The following ALMS1 variants were observed in gnomAD, a reference collection of about 807,000 sequenced individuals.
ALMS1 encodes the protein ALMS1 centrosome and basal body associated protein.
ALMS1 carries 271 observed loss-of-function variants against 352.2 expected under a neutral mutation model. The observed-to-expected ratio is 0.77, with a 90% CI of 0.70 to 0.85. The LOEUF (loss-of-function observed/expected upper bound fraction) is 0.85. Ranked by LOEUF, ALMS1 falls within the 40% of genes least tolerant of loss-of-function variation. The pLI, the probability that ALMS1 is intolerant of heterozygous loss-of-function variation, is 0.00. For missense variants in ALMS1, 5,445 were observed against 4,870.7 expected (o/e 1.12, Z -3.51); for synonymous variants, 1,865 against 1,761.2 (o/e 1.06, Z -1.48).
Position 73,449,997 on chromosome 2 carries a change from A to G in ALMS1, c.3470A>G (p.Gln1157Arg), listed in dbSNP as rs1438607905. 6.2e-7 allele frequency: 1 copy of G among 1,614,004 alleles called. No homozygotes were observed. The highest frequency in any genetic ancestry group is 1.7e-5 in the Admixed American group (1 of 60,008). The part of the protein sequence containing the change: ...HREKPSIFHQ[Q>R]ALPGTHIPEE... Reference sequence around the variant, plus strand: ...GAAAAGCCCAGCATTTTCCACCAGCAGGCCTTGCCAGGTACTCATATACCT... The same window carrying G: ...GAAAAGCCCAGCATTTTCCACCAGCGGGCCTTGCCAGGTACTCATATACCT... Residue 1157 changes from glutamine to arginine, a missense_variant, in exon 8 of 23, where the codon CAG (glutamine) becomes CGG (arginine). By Grantham distance (43) the Gln-to-Arg change is conservative. Coordinates refer to ENST00000613296, the MANE Select transcript of ALMS1 (RefSeq NM_001378454.1).
chr2:73,521,606 C>A (rs977814184), intron 11 of ALMS1, among the ~76,000 whole-genome samples: 1 of 147,572 alleles, frequency 6.8e-6, no homozygotes, highest in Non-Finnish European at 1.5e-5. Context: ...AAAAAATAGC[C>A]GGACACTGTG....
chr2:73,564,335 G>T (rs1674756578), intron 15 of ALMS1, among the ~76,000 whole-genome samples: 1 of 151,752 alleles, frequency 6.6e-6, no homozygotes, highest in Non-Finnish European at 1.5e-5. Context: ...GCATGGCGGT[G>T]CATGCCGATA....
At chr2:73,519,185 G>A (rs1558678874) in intron 10 of ALMS1, among the ~76,000 whole-genome samples, 1 of 152,178 alleles carries the variant, frequency 6.6e-6, no homozygotes, top group Non-Finnish European at 1.5e-5. Flanking sequence ...CATACACAAA[G>A]GAGGAGGGGA....
intron 2 of ALMS1, among the ~76,000 whole-genome samples, chr2:73,418,086 A>G (rs751368246): frequency 2.2e-4 from 34 of 152,294 alleles, no homozygotes; most frequent in South Asian, 8.3e-4. Flanking sequence ...GGCTTATAGT[A>G]AGACTTTTAA....
At chr2:73,481,136 C>T (rs1008823453) in intron 9 of ALMS1, among the ~76,000 whole-genome samples, 13 of 152,186 alleles carry the variant, frequency 8.5e-5, no homozygotes, top group Admixed American at 2.0e-4. Context: ...GTGTTTTAGA[C>T]ATGAAGTCCT....
chr2:73,596,846 T>C (rs370197551), intron 16 of ALMS1, among the ~76,000 whole-genome samples: 14 of 142,662 alleles, frequency 9.8e-5, no homozygotes, highest in East Asian at 4.3e-4. Flanking sequence ...TCAGGAAATA[T>C]AAGCCCTCTA....
intron 11 of ALMS1, among the ~76,000 whole-genome samples, chr2:73,521,919 G>A (rs1382944095): frequency 6.6e-6 from 1 of 152,100 alleles, no homozygotes; most frequent in Non-Finnish European, 1.5e-5. Context: ...ATTTTATGAG[G>A]TGTTTTTTTT....
chr2:73,417,989 T>G lies in ALMS1; in HGVS notation c.451-1134T>G, dbSNP rs117958696. Among the ~76,000 whole-genome samples the G allele has an allele frequency of 2.6e-5, 4 of 152,234 alleles. 1 individual carries two copies. Among genetic ancestry groups the G allele is most frequent in the African/African-American group, 9.6e-5 (4 of 41,468 alleles). On this transcript the variant is annotated intron_variant, in intron 2 of 22. Coordinates refer to ENST00000613296, the MANE Select transcript of ALMS1 (RefSeq NM_001378454.1). ...AGTATAGAAATTGAGAGGAAGTGTT[T>G]AGAAACTTTTATAGTAGTTGGATAG...
chr2:73,606,327 T>G (rs1056658710), intron 21 of ALMS1, among the ~76,000 whole-genome samples: 2 of 152,182 alleles, frequency 1.3e-5, no homozygotes, highest in African/African-American at 4.8e-5. Flanking sequence ...GGGCCCTAAG[T>G]CTAAAATATT....
chr2:73,500,554 G>A (rs1673197929), intron 10 of ALMS1, among the ~76,000 whole-genome samples: 1 of 152,114 alleles, frequency 6.6e-6, no homozygotes, highest in Non-Finnish European at 1.5e-5. Flanking sequence ...TTGCCACCAT[G>A]AGATTACTGG....
Position 73,557,141 on chromosome 2 carries a change from G to A in ALMS1, c.10079-79G>A, listed in dbSNP as rs1418153299. 4 of 1,593,178 alleles carry A rather than the reference G, an allele frequency of 2.5e-6. No homozygotes were observed. The East Asian group carries it at 8.9e-5, about 36-fold the overall frequency. ...TGTAAATGGGTTTGGGGTTTTGTTT[G>A]TAATTGTGGGGGAGGATTACTTGTC... On this transcript the variant is annotated intron_variant, in intron 13 of 22. Coordinates refer to ENST00000613296, the MANE Select transcript of ALMS1 (RefSeq NM_001378454.1).
chr2:73,562,356 CCA>C (rs1674681496), intron 15 of ALMS1, among the ~76,000 whole-genome samples: 1 of 151,860 alleles, frequency 6.6e-6, no homozygotes, highest in Non-Finnish European at 1.5e-5. Context: ...AAAGGACGTA[CCA>C]AGTCCTAGGA....
chr2:73,484,652 T>A (rs1209599100), intron 9 of ALMS1, among the ~76,000 whole-genome samples: 1 of 152,050 alleles, frequency 6.6e-6, no homozygotes, highest in Non-Finnish European at 1.5e-5. Flanking sequence ...TTCTCCTGGA[T>A]AATATCCTGC....
chr2:73,462,159 T>C (rs1158397307), intron 9 of ALMS1, among the ~76,000 whole-genome samples: 1 of 152,048 alleles, frequency 6.6e-6, no homozygotes, highest in Non-Finnish European at 1.5e-5. Flanking sequence ...AATTGTCAGA[T>C]TCACCAAAGT....
Position 73,550,314 on chromosome 2 carries a change from A to G in ALMS1, c.9955A>G (p.Thr3319Ala). ...AGACTTCCCAGCTCAGGTGCTAGGC[A>G]CAAGAGATGATGACCTCTCAGCCAC... ...APDFPAQVLG[T>A]RDDDLSATVN... The change falls in exon 13 of 23, where the codon ACA (threonine) becomes GCA (alanine). Residue 3319 changes from threonine to alanine, a missense_variant. Transcript: ENST00000613296. 2 of 1,614,202 alleles carry G rather than the reference A, an allele frequency of 1.2e-6. No homozygotes were observed. Among genetic ancestry groups the G allele is most frequent in the East Asian group, 2.2e-5 (1 of 44,884 alleles).
At chr2:73,416,878 G>A (rs1484161100) in intron 2 of ALMS1, among the ~76,000 whole-genome samples, 6 of 152,050 alleles carry the variant, frequency 3.9e-5, no homozygotes, top group Admixed American at 3.3e-4. Flanking sequence ...CAGGGGAATC[G>A]CTTGAGTCTA....
Position 73,590,429 on chromosome 2 carries a change from A to G in ALMS1, c.11548-8972A>G, listed in dbSNP as rs768608467. On this transcript the variant is annotated intron_variant, in intron 16 of 22. Coordinates refer to ENST00000613296, the MANE Select transcript of ALMS1 (RefSeq NM_001378454.1). The stretch of plus-strand genomic sequence containing the variant: ...GATGAATTCTCAAAGCAGAAGTTTT[A>G]TAAGTAAGCCCATATTCTGTAACTG... 8.0e-4 allele frequency among the ~76,000 whole-genome samples: 122 copies of G among 152,222 alleles called. 3 individuals carry two copies. Among genetic ancestry groups the G allele is most frequent in the Non-Finnish European group, 1.6e-3 (107 of 68,034 alleles).
rs544478924 is a variant in ALMS1, at chr2:73,498,260, CT to C, written c.9539+6773del. On this transcript the variant is annotated intron_variant, in intron 10 of 22. Coordinates refer to ENST00000613296, the MANE Select transcript of ALMS1 (RefSeq NM_001378454.1). ...AAGATTGAGGTGGCTGTAGAAATTT[CT>C]TTTTTTTTTTCTTTTTAATTTTCAT... Among the ~76,000 whole-genome samples the C allele has an allele frequency of 4.5e-3, 641 of 141,258 alleles. 6 individuals are homozygous for C. The highest frequency in any genetic ancestry group is 5.2e-3 in the Non-Finnish European group (333 of 63,888). 92.7% of individuals were successfully genotyped at this position (141,258 alleles called of 152,430 possible).
At chr2:73,463,283 C>T (rs1672248392) in intron 9 of ALMS1, among the ~76,000 whole-genome samples, 1 of 152,180 alleles carries the variant, frequency 6.6e-6, no homozygotes, top group African/African-American at 2.4e-5. Flanking sequence ...AATTGGAACT[C>T]AGGATTCAGA....
Sources: gnomAD v4.1 joint callset for allele counts (sites outside exome capture counted in the v4.1 genomes callset) on GRCh38, gnomAD v4.1.1 for gene constraint, MANE v1.5 for transcripts, NCBI Gene and HGNC (gene_info 2026-07-23, HGNC 2026-07-21) for gene names.